CSMD3: variants seen among roughly 807,000 people sequenced by gnomAD.
The protein encoded by CSMD3 is CUB and sushi domain-containing protein 3.
Under a neutral mutation model 435.2 loss-of-function variants are expected in CSMD3, and 177 were observed. The ratio of observed to expected loss-of-function variants is 0.41; its 90% CI spans 0.36 to 0.46. The LOEUF is 0.46. Among genes scored for constraint, CSMD3 ranks in the 20% least tolerant of loss-of-function variants. CSMD3 has a pLI of 0.34. For missense variants in CSMD3, 4,265 were observed against 4,504.6 expected, an observed-to-expected ratio of 0.95 and a Z score of 1.52; for synonymous variants, 1,656 against 1,520.5, an observed-to-expected ratio of 1.09 and a Z score of -2.07.
intron 35 of CSMD3, among the ~76,000 whole-genome samples, chr8:112,398,449 C>A (rs1325091855): frequency 6.6e-6 from 1 of 152,226 alleles, no homozygotes. Flanking sequence ...CTCCACTGGA[C>A]ATTTTTCCAC....
chr8:112,715,197 G>T (rs372756932), intron 13 of CSMD3, among the ~76,000 whole-genome samples: 16 of 151,946 alleles, frequency 1.1e-4, no homozygotes, highest in African/African-American at 3.9e-4. Context: ...AAGGAGAAAA[G>T]AGATAAGAAT....
intron 24 of CSMD3, among the ~76,000 whole-genome samples, chr8:112,568,365 G>C (rs940120518): frequency 1.3e-5 from 2 of 152,130 alleles, no homozygotes; most frequent in African/African-American, 4.8e-5. Flanking sequence ...GGCCAAGGCA[G>C]GTGGATCATT....
chr8:112,511,332 C>T (rs1032425615), intron 28 of CSMD3, among the ~76,000 whole-genome samples: 2 of 150,872 alleles, frequency 1.3e-5, no homozygotes, highest in African/African-American at 4.9e-5. Context: ...TGGCTGCTAA[C>T]TGATCAGGGT....
At position 113,436,885 on chromosome 8, in the gene CSMD3, C is replaced by T. The variant is rs1360828586; in HGVS notation, c.-31G>A. Reference sequence around the variant, plus strand: ...TCGCGAGCTCCTAATTCCTGCTCCTCAGCCCGGCGCAGTGGAGTTGTTGCT... The same window carrying T: ...TCGCGAGCTCCTAATTCCTGCTCCTTAGCCCGGCGCAGTGGAGTTGTTGCT... On this transcript the variant is annotated 5_prime_UTR_variant, in exon 1 of 71. Coordinates refer to ENST00000297405, the MANE Select transcript of CSMD3 (RefSeq NM_198123.2). 6 of 1,612,480 alleles carry T rather than the reference C, an allele frequency of 3.7e-6. No individual in the cohort carries two copies. Among genetic ancestry groups the T allele is most frequent in the East Asian group, 2.2e-5 (1 of 44,862 alleles).
chr8:112,229,954 T>C (rs1482471667), intron 69 of CSMD3, among the ~76,000 whole-genome samples: 4 of 151,514 alleles, frequency 2.6e-5, no homozygotes, highest in Non-Finnish European at 5.9e-5. Flanking sequence ...GACAATAGAT[T>C]TGAGGAAGAT....
chr8:112,992,773 G>C (rs1207999024), intron 6 of CSMD3, among the ~76,000 whole-genome samples: 3 of 151,590 alleles, frequency 2.0e-5, no homozygotes, highest in African/African-American at 7.3e-5. Context: ...ACTGTCAATG[G>C]GTAGTGTTTG....
At chr8:113,308,767 C>G (rs932371407) in intron 2 of CSMD3, among the ~76,000 whole-genome samples, 1 of 151,840 alleles carries the variant, frequency 6.6e-6, no homozygotes, top group Admixed American at 6.6e-5. Context: ...TTTTCAACCC[C>G]GTATAAGTGA....
chr8:112,391,896 A>T (rs1830449158), intron 35 of CSMD3, among the ~76,000 whole-genome samples: 1 of 152,134 alleles, frequency 6.6e-6, no homozygotes, highest in South Asian at 2.1e-4. Flanking sequence ...CTGAAAGTAA[A>T]ATTCTCATGC....
intron 6 of CSMD3, among the ~76,000 whole-genome samples, chr8:112,991,058 T>G (rs2085440081): frequency 6.6e-6 from 1 of 151,850 alleles, no homozygotes; most frequent in Non-Finnish European, 1.5e-5. Context: ...AATAATTATC[T>G]GTCTGTATTC....
chr8:113,008,641 T>C (rs1359057455), intron 6 of CSMD3, among the ~76,000 whole-genome samples: 2 of 151,772 alleles, frequency 1.3e-5, no homozygotes, highest in Non-Finnish European at 2.9e-5. Flanking sequence ...ACATTTTAAC[T>C]GTTGCATCAT....
At chr8:113,413,000 A>T (rs2094566172) in intron 1 of CSMD3, among the ~76,000 whole-genome samples, 1 of 152,130 alleles carries the variant, frequency 6.6e-6, no homozygotes, top group Non-Finnish European at 1.5e-5. Context: ...TTAACAGGAC[A>T]TGATAAATTA....
chr8:112,244,423 G>A lies in CSMD3; in HGVS notation c.10373C>T (p.Thr3458Ile), dbSNP rs776572675. Residue 3458 changes from threonine to isoleucine, a missense_variant, in exon 65 of 71, where the codon ACC becomes ATC. By Grantham distance (89) the Thr-to-Ile change is moderately conservative. Coordinates refer to ENST00000297405, the MANE Select transcript of CSMD3 (RefSeq NM_198123.2). ...ACAAATGGGAACTTTTCCAGTCCAG[G>A]TGTTATCGGATCTACACACTCTATG... ...TEHRVCRSDN[T>I]WTGKVPICEA... The A allele has an allele frequency of 6.9e-6, 11 of 1,602,808 alleles. No homozygotes were observed. The highest frequency in any genetic ancestry group is 1.1e-5 in the South Asian group (1 of 89,898).
chr8:112,484,965 A>G (rs1339320740), intron 31 of CSMD3, among the ~76,000 whole-genome samples: 1 of 152,146 alleles, frequency 6.6e-6, no homozygotes, highest in African/African-American at 2.4e-5. Context: ...AATTATAGGC[A>G]TTGATTTGCA....
At chr8:113,295,670 T>C (rs780614335) in intron 2 of CSMD3, among the ~76,000 whole-genome samples, 5 of 152,178 alleles carry the variant, frequency 3.3e-5, no homozygotes, top group Admixed American at 6.6e-5. Flanking sequence ...GGTGGGCGAA[T>C]TGCCTAAGCT....
intron 5 of CSMD3, among the ~76,000 whole-genome samples, chr8:113,034,393 A>G (rs1036981169): frequency 6.6e-6 from 1 of 151,572 alleles, no homozygotes; most frequent in South Asian, 2.1e-4. Flanking sequence ...GTAAACCTTG[A>G]AAACATCATA....
At chr8:113,286,718 ACT>A (rs1431667126) in intron 2 of CSMD3, among the ~76,000 whole-genome samples, 2 of 151,532 alleles carry the variant, frequency 1.3e-5, no homozygotes, top group East Asian at 1.9e-4. Context: ...AAAAAAAAAG[ACT>A]CTATTTATTT....
chr8:113,066,252 T>A (rs1564274376), intron 5 of CSMD3, among the ~76,000 whole-genome samples: 1 of 152,014 alleles, frequency 6.6e-6, no homozygotes, highest in Non-Finnish European at 1.5e-5. Flanking sequence ...GTACAGTATA[T>A]TGTTCTGAGG....
rs1563732095 is a variant in CSMD3 at position 112,281,239 on chromosome 8, G to T, written c.9443C>A (p.Ser3148Tyr). The change falls in exon 59 of 71, where the codon TCT becomes TAT. Residue 3148 changes from serine to tyrosine, a missense_variant. Ser to Tyr is a moderately radical substitution (Grantham distance 144). Coordinates refer to ENST00000297405, the MANE Select transcript of CSMD3 (RefSeq NM_198123.2). ...IYSCMEGYIL[S>Y]GPSVRQCTAN... ...TGTGCACTGTCTAACTGAAGGTCCA[G>T]AAAGGATGTATCCCTCCATGCAGGA... is the stretch of plus-strand genomic sequence containing the variant. The T allele has an allele frequency of 1.2e-6, 2 of 1,613,462 alleles. No homozygotes were observed. The highest frequency in any genetic ancestry group is 2.2e-5 in the East Asian group (1 of 44,832).
intron 31 of CSMD3, among the ~76,000 whole-genome samples, chr8:112,489,880 TG>T (rs1192997008): frequency 1.3e-5 from 2 of 152,238 alleles, no homozygotes; most frequent in African/African-American, 4.8e-5. Context: ...AAAAGTCTAA[TG>T]ATACTTAACT....
Sources: allele counts gnomAD v4.1 joint callset (sites outside exome capture counted in the v4.1 genomes callset), GRCh38; gene constraint gnomAD v4.1.1; transcripts MANE v1.5; gene names NCBI Gene and HGNC (gene_info 2026-07-23, HGNC 2026-07-21).